Variants in ATP13A4 observed in about 807,000 individuals in gnomAD.
ATP13A4 encodes the protein ATPase 13A4.
In ATP13A4, 114 loss-of-function variants were observed where a neutral mutation model predicts 142.5. That is an observed-to-expected ratio of 0.80 (90% CI 0.69 to 0.93). ATP13A4 has a LOEUF of 0.93. Ranked by LOEUF, ATP13A4 falls within the 40% of genes least tolerant of loss-of-function variation. The pLI is 0.00. For synonymous variants in ATP13A4, 488 were observed against 514.8 expected (o/e 0.95, Z 0.70); for missense variants, 1,392 against 1,454.0 (o/e 0.96, Z 0.69).
At chr3:193,571,940 C>T (rs997892618) in intron 2 of ATP13A4, among the ~76,000 whole-genome samples, 2 of 152,066 alleles carry the variant, frequency 1.3e-5, no homozygotes, top group African/African-American at 2.4e-5. Context: ...AATACTAACA[C>T]ATCAGTCTTG....
rs111917391 is a variant in ATP13A4 at position 193,456,296 on chromosome 3, T to C, written c.1915+704A>G. ...CAAATGAGATCATTGCTATGATCCATGCCACTGCAGCATGCTATGGAAAGC... is the reference window on the plus strand; with the variant it reads ...CAAATGAGATCATTGCTATGATCCACGCCACTGCAGCATGCTATGGAAAGC... On this transcript the variant is annotated intron_variant, in intron 16 of 29. Coordinates refer to ENST00000342695, the MANE Select transcript of ATP13A4 (RefSeq NM_032279.4). Among the ~76,000 whole-genome samples the C allele has an allele frequency of 1.6e-4, 25 of 152,324 alleles. 2 individuals carry two copies. The highest frequency in any genetic ancestry group is 5.8e-4 in the African/African-American group (24 of 41,574).
At chr3:193,438,669 G>T in intron 22 of ATP13A4, 85 bp from the exon 23 acceptor site, 1 of 1,185,266 alleles carries the variant, frequency 8.4e-7, no homozygotes, top group Non-Finnish European at 1.2e-6. Context: ...AGTTAAGCTG[G>T]CCACAAGGTG....
In ATP13A4 at chr3:193,465,053, G is replaced by C. The variant is rs1718185011; in HGVS notation, c.1348C>G (p.Leu450Val). 6.2e-7 allele frequency: 1 copy of C among 1,614,036 alleles called. No homozygotes were observed. Among genetic ancestry groups the C allele is most frequent in the Non-Finnish European group, 8.5e-7 (1 of 1,180,032 alleles). ...TGGGCATAGATAATGCCTGTGGTCAGAGCAGCAGGTAGAGCCGGAGGAACC... is the reference window on the plus strand; with the variant it reads ...TGGGCATAGATAATGCCTGTGGTCACAGCAGCAGGTAGAGCCGGAGGAACC... ...IAVPPALPAALTTGIIYAQRR... is the reference protein window; with the variant it reads ...IAVPPALPAAVTTGIIYAQRR... The change falls in exon 12 of 30, where the codon CTG (leucine) becomes GTG (valine). Residue 450 changes from leucine to valine, a missense_variant. By Grantham distance (32) the Leu-to-Val change is conservative. Coordinates refer to ENST00000342695, the MANE Select transcript of ATP13A4 (RefSeq NM_032279.4).
chr3:193,557,556 A>G (rs1036971865), upstream of ATP13A4, among the ~76,000 whole-genome samples: 3 of 152,244 alleles, frequency 2.0e-5, no homozygotes, highest in South Asian at 6.2e-4. Context: ...TATTCTGGTC[A>G]TTCTTATTTG....
rs575210301 is a variant in ATP13A4 at position 193,493,449 on chromosome 3, A to C, written c.382-289T>G. 2.2e-3 allele frequency among the ~76,000 whole-genome samples: 336 copies of C among 152,234 alleles called. 3 individuals carry two copies. The highest frequency in any genetic ancestry group is 0.01 in the Middle Eastern group (3 of 294). On this transcript the variant is annotated intron_variant, in intron 3 of 29. Coordinates refer to ENST00000342695, the MANE Select transcript of ATP13A4 (RefSeq NM_032279.4). ...CTACTTTATAAACTAAGGAGGAAAA[A>C]ATTCCAAAAACAAGGCATACAGTCC...
intron 18 of ATP13A4, among the ~76,000 whole-genome samples, chr3:193,446,536 G>C (rs1422534347): frequency 6.6e-6 from 1 of 152,164 alleles, no homozygotes; most frequent in Non-Finnish European, 1.5e-5. Flanking sequence ...AGTCCATTAA[G>C]TTATTGTCAC....
At chr3:193,440,775 G>T (rs928948772) in intron 20 of ATP13A4, 138 bp from the exon 21 acceptor site, 1 of 893,652 alleles carries the variant, frequency 1.1e-6, no homozygotes, top group African/African-American at 1.7e-5. Context: ...GCCTTCCTTT[G>T]GATTTTAAGA....
intron 2 of ATP13A4, among the ~76,000 whole-genome samples, chr3:193,504,020 TGAGAGAGAGAGA>T (rs1553851730): frequency 6.9e-6 from 1 of 144,216 alleles, no homozygotes; most frequent in African/African-American, 2.6e-5. Context: ...TGTGTGTGTG[TGAGAGAGAGAGA>T]GAGAGAGAGA....
intron 6 of ATP13A4, among the ~76,000 whole-genome samples, chr3:193,490,856 C>G (rs1719904994): frequency 6.6e-6 from 1 of 152,092 alleles, no homozygotes; most frequent in African/African-American, 2.4e-5. Context: ...TAAAGTGAAA[C>G]AATGATGAGC....
chr3:193,493,851 TC>T (rs1181522736), intron 3 of ATP13A4, among the ~76,000 whole-genome samples: 1 of 152,076 alleles, frequency 6.6e-6, no homozygotes, highest in Non-Finnish European at 1.5e-5. Flanking sequence ...CCAGTCATTT[TC>T]CTTTCTAACA....
chr3:193,483,458 G>GTTTGT (rs548070166), intron 8 of ATP13A4, among the ~76,000 whole-genome samples: 19 of 152,080 alleles, frequency 1.2e-4, no homozygotes, highest in African/African-American at 4.1e-4. Flanking sequence ...TTTTTTGTTT[G>GTTTGT]TTTGTTTTGT....
chr3:193,492,021 T>A (rs1367881708), intron 5 of ATP13A4, among the ~76,000 whole-genome samples: 4 of 152,218 alleles, frequency 2.6e-5, no homozygotes, highest in Non-Finnish European at 5.9e-5. Context: ...CCGCTTTCTC[T>A]GTGTCTTCCA....
intron 1 of ATP13A4, among the ~76,000 whole-genome samples, chr3:193,532,141 G>A (rs531414675): frequency 3.3e-5 from 5 of 152,112 alleles, no homozygotes; most frequent in South Asian, 2.1e-4. Flanking sequence ...CCAGCTCAGC[G>A]TCTCAGCTGA....
chr3:193,443,120 G>A (rs1470088873), intron 18 of ATP13A4, among the ~76,000 whole-genome samples: 2 of 152,136 alleles, frequency 1.3e-5, no homozygotes, highest in East Asian at 1.9e-4. Flanking sequence ...GTGGGCCTCA[G>A]TTAAAAAGCT....
At chr3:193,574,117 TTTC>T (rs1336606448) in intron 2 of ATP13A4, among the ~76,000 whole-genome samples, 3 of 152,236 alleles carry the variant, frequency 2.0e-5, no homozygotes, top group Non-Finnish European at 4.4e-5. Flanking sequence ...CTATGCATCA[TTTC>T]TTCTTTTTAA....
In ATP13A4 at chr3:193,491,318, G is replaced by A. The variant is rs200570755; in HGVS notation, c.603+11C>T. The stretch of plus-strand genomic sequence containing the variant: ...CTGTCCAACACCAAGAGAAAATGCT[G>A]GAGAAATTACCTCCTTGATGAGCAG... On this transcript the variant is annotated intron_variant, in intron 6 of 29. Coordinates refer to ENST00000342695, the MANE Select transcript of ATP13A4 (RefSeq NM_032279.4). 53 of 1,580,108 alleles carry A rather than the reference G, an allele frequency of 3.4e-5. No individual in the cohort carries two copies. The highest frequency in any genetic ancestry group is 4.1e-5 in the Non-Finnish European group (47 of 1,149,616).
rs35492461 is a variant in ATP13A4 at position 193,495,536 on chromosome 3, T to C, written c.382-2376A>G. On this transcript the variant is annotated intron_variant, in intron 3 of 29. Coordinates refer to ENST00000342695, the MANE Select transcript of ATP13A4 (RefSeq NM_032279.4). ...GAAAAGCATTTGACAAAATTCAACA[T>C]CCTTTCATGTTAAAAACTCAACAAA... 4.5e-3 allele frequency among the ~76,000 whole-genome samples: 691 copies of C among 152,170 alleles called. 6 individuals are homozygous for C. Among genetic ancestry groups the C allele is most frequent in the Non-Finnish European group, 7.0e-3 (478 of 67,932 alleles).
Position 193,457,025 on chromosome 3 carries a change from C to T in ATP13A4, c.1890G>A (p.Val630=), listed in dbSNP as rs1717656844. 2 of 1,613,884 alleles carry T rather than the reference C, an allele frequency of 1.2e-6. No individual in the cohort carries two copies. Among genetic ancestry groups the T allele is most frequent in the South Asian group, 1.1e-5 (1 of 90,984 alleles). The change falls in exon 16 of 30, where the codon GTG becomes GTA. Residue 630 remains valine, a synonymous_variant. Coordinates refer to ENST00000342695, the MANE Select transcript of ATP13A4 (RefSeq NM_032279.4). ...LAFMKGAPER[V]ASFCQPETVP... is the part of the protein sequence containing the mutation. ...CTGTCTCAGGTTGGCAAAAGCTGGC[C>T]ACCCTCTCTGGTGCACCTTTCATGA...
intron 1 of ATP13A4, among the ~76,000 whole-genome samples, chr3:193,538,510 A>AC (rs2108711679): frequency 6.6e-6 from 1 of 150,964 alleles, no homozygotes; most frequent in South Asian, 2.1e-4. Context: ...AAAAAAAAAA[A>AC]AAAACCCTAG....
Sources: gnomAD v4.1 joint callset for allele counts (sites outside exome capture counted in the v4.1 genomes callset) on GRCh38, gnomAD v4.1.1 for gene constraint, MANE v1.5 for transcripts, NCBI Gene and HGNC (gene_info 2026-07-23, HGNC 2026-07-21) for gene names.